Variants in PBLD observed in about 807,000 individuals in gnomAD.
PBLD encodes phenazine biosynthesis like protein domain containing.
In PBLD, 26 loss-of-function variants were observed where a neutral mutation model predicts 31.3. The observed-to-expected ratio is 0.83, with a 90% CI of 0.61 to 1.15. PBLD has a LOEUF of 1.15. Ranked by LOEUF, PBLD falls within the 50% of genes most tolerant of loss-of-function variation. The pLI is 0.00. For missense variants in PBLD, 307 were observed against 351.7 expected (o/e 0.87, Z 1.02); for synonymous variants, 114 against 129.0 (o/e 0.88, Z 0.79).
chr10:68,288,908 G>C lies in PBLD; in HGVS notation c.512+23C>G, dbSNP rs767498832. On this transcript the variant is annotated intron_variant, in intron 7 of 9. Transcript: ENST00000358769. ...CTGGGTACTCAGCCCTCCCCAAAGT[G>C]CTGATGCAGCCAAAAATCTTACCTG... 4 of 1,604,470 alleles carry C rather than the reference G, an allele frequency of 2.5e-6. No homozygotes were observed. In the African/African-American group the frequency reaches 5.4e-5, roughly 21 times the overall value.
chr10:68,288,956 C>T lies in PBLD; in HGVS notation c.487G>A (p.Val163Ile), dbSNP rs147701447. The T allele has an allele frequency of 1.0e-4, 163 of 1,614,052 alleles. No homozygotes were observed. The highest frequency in any genetic ancestry group is 4.9e-4 in the East Asian group (22 of 44,896). ...CYSPDTQKLL[V>I]RLSDVYNRSF... ...CTGTTGTAAACGTCACTGAGGCGGA[C>T]GAGGAGCTTTTGGGTATCTGGAGAA... The change falls in exon 7 of 10, where the codon GTC (valine) becomes ATC (isoleucine). Residue 163 changes from valine to isoleucine, a missense_variant. Val to Ile is a conservative substitution (Grantham distance 29, BLOSUM62 3). Transcript: ENST00000358769.
chr10:68,285,117 T>C lies in PBLD; in HGVS notation c.754+231A>G, dbSNP rs139188604. 247 of 1,326,782 alleles carry C rather than the reference T, an allele frequency of 1.9e-4. 3 individuals are homozygous for C. The East Asian group carries it at 5.8e-3, about 31-fold the overall frequency. 82.2% of individuals were successfully genotyped at this position (1,326,782 alleles called of 1,614,324 possible). A position where few individuals can be genotyped will look rare whatever the true frequency, so the allele number is the denominator to read the frequency against. ...AGCTATTTTATTCAACAAACACTTA[T>C]TGGGCAGTTACTGTATCTGTGTCTG... On this transcript the variant is annotated intron_variant, in intron 9 of 9. Transcript: ENST00000358769.
intron 2 of PBLD, among the ~76,000 whole-genome samples, chr10:68,298,076 C>T (rs1382554872): frequency 1.3e-5 from 2 of 151,384 alleles, no homozygotes; most frequent in Admixed American, 6.6e-5. Context: ...GACCACCCCC[C>T]AGTCTCAATA....
At chr10:68,301,332 C>T (rs965988624) in intron 2 of PBLD, among the ~76,000 whole-genome samples, 1 of 152,114 alleles carries the variant, frequency 6.6e-6, no homozygotes, top group African/African-American at 2.4e-5. Flanking sequence ...GTGAGAAATC[C>T]CACCTAAGAA....
At chr10:68,329,676 G>A (rs535208981) in intron 1 of PBLD, among the ~76,000 whole-genome samples, 115 of 152,202 alleles carry the variant, frequency 7.6e-4, no homozygotes, top group African/African-American at 2.6e-3. Flanking sequence ...CAGTGATAAT[G>A]GGACTATAAA....
chr10:68,284,389 C>T, intron 9 of PBLD, 100 bp from the exon 10 acceptor site: 1 of 992,294 alleles, frequency 1.0e-6, no homozygotes, highest in Non-Finnish European at 1.5e-6. Context: ...CCTCCCAGAT[C>T]AGTTTCAAGA....
chr10:68,312,181 G>A (rs77199542), intron 1 of PBLD, among the ~76,000 whole-genome samples: 302 of 152,292 alleles, frequency 2.0e-3, no homozygotes, highest in African/African-American at 6.9e-3. Context: ...TTTCTTCAAC[G>A]TACTGTGTTT....
chr10:68,284,968 G>A (rs2044268758), intron 9 of PBLD: 1 of 1,024,166 alleles, frequency 9.8e-7, no homozygotes. Flanking sequence ...ATCACTAGGG[G>A]ACTTGGTTCC....
At chr10:68,295,262 G>T (rs2044409208) in intron 4 of PBLD, among the ~76,000 whole-genome samples, 1 of 151,984 alleles carries the variant, frequency 6.6e-6, no homozygotes, top group South Asian at 2.1e-4. Context: ...GGAGGCCAAG[G>T]TGGGCAGACC....
chr10:68,286,472 A>G (rs1398768792), intron 8 of PBLD, among the ~76,000 whole-genome samples: 1 of 152,158 alleles, frequency 6.6e-6, no homozygotes, highest in African/African-American at 2.4e-5. Context: ...AAACTCTGAA[A>G]AAAGGCTAAA....
intron 1 of PBLD, among the ~76,000 whole-genome samples, chr10:68,310,873 G>A (rs2044658094): frequency 7.3e-6 from 1 of 137,712 alleles, no homozygotes; most frequent in Admixed American, 7.9e-5. Flanking sequence ...CCCATCATAA[G>A]TTAAAAATAT....
At chr10:68,310,786 T>G (rs1273415069) in intron 1 of PBLD, among the ~76,000 whole-genome samples, 1 of 150,932 alleles carries the variant, frequency 6.6e-6, no homozygotes, top group Non-Finnish European at 1.5e-5. Flanking sequence ...GAATTCTTTC[T>G]TCTTTATGGC....
At chr10:68,321,376 CAG>C (rs1270535183) in intron 1 of PBLD, among the ~76,000 whole-genome samples, 1 of 152,150 alleles carries the variant, frequency 6.6e-6, no homozygotes, top group Non-Finnish European at 1.5e-5. Flanking sequence ...CAGACGCCTA[CAG>C]AACACTCCAC....
At chr10:68,323,345 T>C (rs1377313194) in intron 1 of PBLD, among the ~76,000 whole-genome samples, 1 of 152,030 alleles carries the variant, frequency 6.6e-6, no homozygotes, top group East Asian at 1.9e-4. Context: ...GTGGATCACA[T>C]GAAGTCAGGG....
intron 1 of PBLD, among the ~76,000 whole-genome samples, chr10:68,318,990 GGAAAGAAAGAGAGAAA>G (rs748570153): frequency 2.7e-5 from 4 of 145,582 alleles, no homozygotes; most frequent in African/African-American, 1.0e-4. Flanking sequence ...AAGGAAGTTA[GGAAAGAAAGAGAGAAA>G]GAAAGAAAGA....
intron 2 of PBLD, among the ~76,000 whole-genome samples, chr10:68,301,632 T>C (rs1422061143): frequency 6.6e-6 from 1 of 152,184 alleles, no homozygotes; most frequent in African/African-American, 2.4e-5. Context: ...CCTTCCTCTA[T>C]ATGATCTGGC....
At chr10:68,287,766 T>C (rs1036376526) in intron 8 of PBLD, 2 of 152,254 alleles carry the variant, frequency 1.3e-5, no homozygotes, top group African/African-American at 4.8e-5. Flanking sequence ...ATTATTAAAA[T>C]AGCTAGTAGT....
intron 9 of PBLD, 83 bp downstream of exon 9, chr10:68,285,265 T>A: frequency 6.2e-7 from 1 of 1,605,812 alleles, no homozygotes; most frequent in Non-Finnish European, 8.5e-7. Context: ...TGTATTACAT[T>A]TTCAAGGGGA....
intron 1 of PBLD, among the ~76,000 whole-genome samples, chr10:68,312,329 C>T (rs1003147474): frequency 2.6e-5 from 4 of 152,164 alleles, no homozygotes; most frequent in Admixed American, 1.3e-4. Context: ...CTCTTCTCCA[C>T]GTCCTCACCA....
Sources: gnomAD v4.1 joint callset for allele counts (sites outside exome capture counted in the v4.1 genomes callset) on GRCh38, gnomAD v4.1.1 for gene constraint, MANE v1.5 for transcripts, NCBI Gene and HGNC (gene_info 2026-07-23, HGNC 2026-07-21) for gene names.